Variants in HES3 observed in about 807,000 individuals in gnomAD.
The protein encoded by HES3 is hes family bHLH transcription factor 3, also known as transcription factor HES-3.
Under a neutral mutation model 8.0 loss-of-function variants are expected in HES3, and 6 were observed. The observed-to-expected ratio is 0.75, with a 90% CI of 0.41 to 1.49. The LOEUF (loss-of-function observed/expected upper bound fraction) is 1.49, where lower values mean the gene tolerates loss of function less well. Among genes scored for constraint, HES3 ranks in the 40% most tolerant of loss-of-function variants. HES3 has a pLI of 0.01. For missense variants in HES3, 266 were observed against 260.9 expected, an observed-to-expected ratio of 1.02 and a Z score of -0.13; for synonymous variants, 121 against 119.4, an observed-to-expected ratio of 1.01 and a Z score of -0.09.
rs1638261682 is a variant in HES3, at chr1:6,244,542, G to C, written c.82-6G>C. On this transcript the variant is annotated splice_polypyrimidine_tract_variant and splice_region_variant and intron_variant, in intron 2 of 3. Coordinates refer to ENST00000377898, the MANE Select transcript of HES3 (RefSeq NM_001024598.4). ...CGGTCTAATAGACCTTTCCATGGTCGGGTAGATCCGGAAGCGCAAATTGGA... is the reference window on the plus strand; with the variant it reads ...CGGTCTAATAGACCTTTCCATGGTCCGGTAGATCCGGAAGCGCAAATTGGA... The C allele has an allele frequency of 6.2e-7, 1 of 1,614,042 alleles. No individual in the cohort carries two copies. The highest frequency in any genetic ancestry group is 2.2e-5 in the East Asian group (1 of 44,882).
Position 6,245,483 on chromosome 1 carries a change from A to G in HES3, c.537A>G (p.Gly179=), listed in dbSNP as rs2100978427. 6.6e-7 allele frequency: 1 copy of G among 1,515,568 alleles called. No homozygotes were observed. The highest frequency in any genetic ancestry group is 1.3e-5 in the South Asian group (1 of 78,330). 93.9% of individuals were successfully genotyped at this position (1,515,568 alleles called of 1,614,324 possible). ...GCCTGCGCGTGTGGCGGCCCTGGGG[A>G]AGCCCCGGGGATGACCTGAACTGAA... The part of the protein sequence containing the change: ...GLGLRVWRPW[G]SPGDDLN Residue 179 remains glycine, a synonymous_variant, in exon 4 of 4, where the codon GGA becomes GGG. Transcript: ENST00000377898.
At chr1:6,244,305 G>T in intron 1 of HES3, 46 bp from the exon 2 acceptor site, 1 of 1,495,816 alleles carries the variant, frequency 6.7e-7, no homozygotes, top group Non-Finnish European at 9.3e-7. Context: ...GGGTGCCGAG[G>T]GCAGGAGGGT....
chr1:6,244,432 C>G lies in HES3; in HGVS notation c.67C>G (p.His23Asp). The G allele has an allele frequency of 6.4e-7, 1 of 1,573,328 alleles. No homozygotes were observed. Among genetic ancestry groups the G allele is most frequent in the Non-Finnish European group, 8.7e-7 (1 of 1,149,154 alleles). The change falls in exon 2 of 4, where the codon CAC (histidine) becomes GAC (aspartate). Residue 23 changes from histidine (H) to aspartate (D), a missense_variant. Coordinates refer to ENST00000377898, the MANE Select transcript of HES3 (RefSeq NM_001024598.4). The stretch of plus-strand genomic sequence containing the variant: ...GCAGCTCAAGTCGCTGCTGGAGAAA[C>G]ACTACTCGCACCAGGTGAGACTCAG... ...LEQLKSLLEK[H>D]YSHQIRKRKL...
rs1401904130 is a variant in HES3 at position 6,245,387 on chromosome 1, C to T, written c.441C>T (p.Leu147=). ...CCCTGCTCCTCCTCCCCGAAAGTCT[C>T]CCTGGCTCGTCCGCCAGCGTCCCCC... is the stretch of plus-strand genomic sequence containing the variant. ...PPPLLLLPES[L]PGSSASVPPP... Residue 147 remains leucine (L), a synonymous_variant, in exon 4 of 4, where the codon CTC becomes CTT. Transcript: ENST00000377898. The T allele has an allele frequency of 2.6e-6, 4 of 1,524,908 alleles. No individual in the cohort carries two copies. The South Asian group carries it at 3.6e-5, about 14-fold the overall frequency. 94.5% of individuals were successfully genotyped at this position (1,524,908 alleles called of 1,614,324 possible).
rs755565061 is a variant in HES3, at chr1:6,244,378, C to CGCCGG, written c.16_20dup (p.Arg8GlyfsTer36). 34 of 1,611,980 alleles carry CGCCGG rather than the reference C, an allele frequency of 2.1e-5. No homozygotes were observed. Among genetic ancestry groups the CGCCGG allele is most frequent in the Non-Finnish European group, 2.7e-5 (32 of 1,179,362 alleles). On this transcript the variant is annotated frameshift_variant, in exon 2 of 4. Coordinates refer to ENST00000377898, the MANE Select transcript of HES3 (RefSeq NM_001024598.4). LOFTEE classifies it high-confidence loss of function. ...TTCCAAGCCGCTGATGGAGAAAAAG[C>CGCCGG]GCCGGGCACGCATCAATGTGTCACT...
At position 6,245,365 on chromosome 1, in the gene HES3, T is replaced by C; in HGVS notation, c.419T>C (p.Leu140Pro). The change falls in exon 4 of 4, where the codon CTG becomes CCG. Residue 140 changes from leucine to proline, a missense_variant. Transcript: ENST00000377898. ...AAGGPRSPPP[L>P]LLLPESLPGS... ...GGCGGCCCGCGGTCCCCACCACCCCTGCTCCTCCTCCCCGAAAGTCTCCCT... is the reference window on the plus strand; with the variant it reads ...GGCGGCCCGCGGTCCCCACCACCCCCGCTCCTCCTCCCCGAAAGTCTCCCT... The C allele has an allele frequency of 6.7e-7, 1 of 1,489,816 alleles. No homozygotes were observed. Among genetic ancestry groups the C allele is most frequent in the Non-Finnish European group, 8.9e-7 (1 of 1,124,164 alleles). 92.3% of individuals were successfully genotyped at this position (1,489,816 alleles called of 1,614,324 possible).
chr1:6,244,634 A>G lies in HES3; in HGVS notation c.163+5A>G. ...GCCTTCAGAACTCCTTGCAAGGTAT[A>G]GGGGAGGGCTGGAGGGAGGAGGGGG... On this transcript the variant is annotated splice_donor_5th_base_variant and intron_variant, in intron 3 of 3. Transcript: ENST00000377898. The G allele has an allele frequency of 6.2e-7, 1 of 1,610,390 alleles. No individual in the cohort carries two copies. The highest frequency in any genetic ancestry group is 8.5e-7 in the Non-Finnish European group (1 of 1,177,664).
At position 6,244,203 on chromosome 1, in the gene HES3, C is replaced by T. The variant is rs1638252216; in HGVS notation, c.-54C>T. 1.5e-6 allele frequency: 1 copy of T among 645,672 alleles called. No individual in the cohort carries two copies. The highest frequency in any genetic ancestry group is 1.8e-5 in the African/African-American group (1 of 54,818). 40.0% of individuals were successfully genotyped at this position (645,672 alleles called of 1,614,324 possible). A position where few individuals can be genotyped will look rare whatever the true frequency, so the allele number is the denominator to read the frequency against. On this transcript the variant is annotated 5_prime_UTR_variant, in exon 1 of 4. Coordinates refer to ENST00000377898, the MANE Select transcript of HES3 (RefSeq NM_001024598.4). ...CATGGACTGCAACATGGGCACGGAG[C>T]CTGCTGCCCGGGGCAGCCTCCCCGG...
intron 1 of HES3, 26 bp downstream of exon 1, chr1:6,244,267 C>T (rs1249009678): frequency 3.6e-6 from 4 of 1,113,298 alleles, no homozygotes; most frequent in Admixed American, 1.7e-5. Context: ...GGACTAGGGG[C>T]AGGCACCCTT....
chr1:6,244,636 G>A lies in HES3; in HGVS notation c.163+7G>A, dbSNP rs374242387. 8.4e-5 allele frequency: 136 copies of A among 1,611,512 alleles called. No homozygotes were observed. The African/African-American group carries it at 1.8e-3, about 21-fold the overall frequency. On this transcript the variant is annotated splice_region_variant and intron_variant, in intron 3 of 3. Coordinates refer to ENST00000377898, the MANE Select transcript of HES3 (RefSeq NM_001024598.4). ...CTTCAGAACTCCTTGCAAGGTATAG[G>A]GGAGGGCTGGAGGGAGGAGGGGGAG...
chr1:6,245,161 GCCTGCCCGGCGTGAGCCAGCT>G lies in HES3; in HGVS notation c.219_239del (p.Pro74_Leu80del). On this transcript the variant is annotated inframe_deletion, in exon 4 of 4. Coordinates refer to ENST00000377898, the MANE Select transcript of HES3 (RefSeq NM_001024598.4). ...GAGCAACCGTCGGGCTTCCGCAGCT[GCCTGCCCGGCGTGAGCCAGCT>G]CCTTCGGCGCGGAGATGAGGTCGGC... 1 of 1,528,836 alleles carries G rather than the reference GCCTGCCCGGCGTGAGCCAGCT, an allele frequency of 6.5e-7. No individual in the cohort carries two copies. The highest frequency in any genetic ancestry group is 2.0e-5 in the Admixed American group (1 of 50,686). 94.7% of individuals were successfully genotyped at this position (1,528,836 alleles called of 1,614,324 possible). A position where few individuals can be genotyped will look rare whatever the true frequency, so the allele number is the denominator to read the frequency against.
At position 6,244,260 on chromosome 1, in the gene HES3, C is replaced by G; in HGVS notation, c.-16+19C>G. ...CCGAAAGGTCTGGGGTCTTGAGGGA[C>G]TAGGGGCAGGCACCCTTCCCCGGGA... On this transcript the variant is annotated intron_variant, in intron 1 of 3. Transcript: ENST00000377898. 1.9e-6 allele frequency: 2 copies of G among 1,044,958 alleles called. No individual in the cohort carries two copies. The allele number at this position is 1,044,958 out of a possible 1,614,324, so 64.7% of individuals were successfully genotyped here. A position where few individuals can be genotyped will look rare whatever the true frequency, so the allele number is the denominator to read the frequency against.
Position 6,244,439 on chromosome 1 carries a change from C to T in HES3, c.74C>T (p.Ser25Leu), listed in dbSNP as rs375994167. Residue 25 changes from serine (S) to leucine (L), a missense_variant, in exon 2 of 4, where the codon TCG (serine) becomes TTG (leucine). Physicochemically the swap from Ser to Leu is moderately radical, Grantham distance 145 (BLOSUM62 -2). Transcript: ENST00000377898. ...AAGTCGCTGCTGGAGAAACACTACT[C>T]GCACCAGGTGAGACTCAGGCGGGGT... ...QLKSLLEKHY[S>L]HQIRKRKLEK... The T allele has an allele frequency of 3.7e-5, 59 of 1,609,748 alleles. No homozygotes were observed. The highest frequency in any genetic ancestry group is 4.8e-5 in the Non-Finnish European group (57 of 1,178,400).
chr1:6,244,678 C>A, intron 3 of HES3, 49 bp downstream of exon 3: 1 of 1,521,454 alleles, frequency 6.6e-7, no homozygotes. Context: ...GGGATCAGAG[C>A]CAGGGATGCA....
chr1:6,244,835 G>T (rs1638267749), intron 3 of HES3, among the ~76,000 whole-genome samples: 1 of 152,104 alleles, frequency 6.6e-6, no homozygotes, highest in Non-Finnish European at 1.5e-5. Flanking sequence ...GCTCGCTAGG[G>T]GGCGAGGGAG....
Position 6,245,406 on chromosome 1 carries a change from G to T in HES3, c.460G>T (p.Val154Phe). The change falls in exon 4 of 4, where the codon GTC (valine) becomes TTC (phenylalanine). Residue 154 changes from valine (V) to phenylalanine (F), a missense_variant. Val to Phe is a conservative substitution (Grantham distance 50). Transcript: ENST00000377898. ...PESLPGSSAS[V>F]PPPQPASSRC... ...AAGTCTCCCTGGCTCGTCCGCCAGC[G>T]TCCCCCCGCCGCAGCCAGCGTCGAG... 1 of 1,536,916 alleles carries T rather than the reference G, an allele frequency of 6.5e-7. No individual in the cohort carries two copies. Among genetic ancestry groups the T allele is most frequent in the Non-Finnish European group, 8.7e-7 (1 of 1,151,178 alleles).
chr1:6,244,253 T>G lies in HES3; in HGVS notation c.-16+12T>G. The G allele has an allele frequency of 2.1e-6, 2 of 974,592 alleles. No individual in the cohort carries two copies. Among genetic ancestry groups the G allele is most frequent in the Non-Finnish European group, 3.3e-6 (2 of 612,378 alleles). The allele number at this position is 974,592 out of a possible 1,614,324, so 60.4% of individuals were successfully genotyped here. ...GCAACTTCCGAAAGGTCTGGGGTCT[T>G]GAGGGACTAGGGGCAGGCACCCTTC... is the stretch of plus-strand genomic sequence containing the variant. On this transcript the variant is annotated intron_variant, in intron 1 of 3. Transcript: ENST00000377898.
rs1459395155 is a variant in HES3 at position 6,245,288 on chromosome 1, C to G, written c.342C>G (p.Pro114=). 1.3e-6 allele frequency: 2 copies of G among 1,494,152 alleles called. No individual in the cohort carries two copies. Among genetic ancestry groups the G allele is most frequent in the Middle Eastern group, 1.8e-4 (1 of 5,482 alleles). 92.6% of individuals were successfully genotyped at this position (1,494,152 alleles called of 1,614,324 possible). A position where few individuals can be genotyped will look rare whatever the true frequency, so the allele number is the denominator to read the frequency against. Reference sequence around the variant, plus strand: ...GCGCCGGGTTGGGCCAGGAGGCGCCCGCGCTGTTCCGCCCTTGCACCCCTG... The same window carrying G: ...GCGCCGGGTTGGGCCAGGAGGCGCCGGCGCTGTTCCGCCCTTGCACCCCTG... ...MDSAGLGQEA[P]ALFRPCTPAV... is the part of the protein sequence containing the mutation. Residue 114 remains proline, a synonymous_variant, in exon 4 of 4, where the codon CCC becomes CCG. Transcript: ENST00000377898.
At chr1:6,244,721 C>T in intron 3 of HES3, 92 bp downstream of exon 3, 3 of 1,153,100 alleles carry the variant, frequency 2.6e-6, no homozygotes, top group African/African-American at 3.0e-5. Flanking sequence ...CCTCAAGGAC[C>T]GCTTGACCCC....
Sources: allele counts gnomAD v4.1 joint callset (sites outside exome capture counted in the v4.1 genomes callset), GRCh38; gene constraint gnomAD v4.1.1; transcripts MANE v1.5; gene names NCBI Gene and HGNC (gene_info 2026-07-23, HGNC 2026-07-21).